The following MAML3 variants were observed in gnomAD, a reference collection of about 807,000 sequenced individuals.
MAML3 encodes the protein mastermind like transcriptional coactivator 3.
Under a neutral mutation model 101.9 loss-of-function variants are expected in MAML3, and 27 were observed. The ratio of observed to expected loss-of-function variants is 0.27; its 90% CI spans 0.20 to 0.37. The LOEUF (loss-of-function observed/expected upper bound fraction) is 0.37. MAML3 is among the 10% of genes least tolerant of loss of function. MAML3 has a pLI of 1.00. For missense variants in MAML3, 1,316 were observed against 1,444.9 expected (o/e 0.91, Z 1.45); for synonymous variants, 501 against 555.9 (o/e 0.90, Z 1.39).
intron 1 of MAML3, among the ~76,000 whole-genome samples, chr4:139,959,932 C>G (rs1366111350): frequency 6.6e-6 from 1 of 152,130 alleles, no homozygotes; most frequent in Non-Finnish European, 1.5e-5. Context: ...AAACTATTCA[C>G]TAGGATCATG....
chr4:139,902,273 A>G (rs28449307), intron 1 of MAML3, among the ~76,000 whole-genome samples: 2 of 99,154 alleles, frequency 2.0e-5, no homozygotes, highest in African/African-American at 3.3e-5. Context: ...GCACACACAC[A>G]CGCACACACA....
At chr4:139,830,576 T>G (rs564314026) in intron 2 of MAML3, among the ~76,000 whole-genome samples, 5,838 of 151,080 alleles carry the variant, frequency 0.039, 395 homozygotes, top group African/African-American at 0.14. Context: ...CACCACGCCA[T>G]GCTAATTTTT....
intron 1 of MAML3, among the ~76,000 whole-genome samples, chr4:139,932,252 T>TA (rs1733415219): frequency 6.6e-6 from 1 of 151,850 alleles, no homozygotes; most frequent in African/African-American, 2.4e-5. Flanking sequence ...TATCTTGATT[T>TA]TTTTTTTGAT....
At position 139,717,635 on chromosome 4, in the gene MAML3, A is replaced by C. The variant is rs1037329133; in HGVS notation, c.*1688T>G. ...CCTCTCCAAAAACACCTCTGCCCCCAGCTTTCCATGGCAACTCGCCTTCTC... is the reference window on the plus strand; with the variant it reads ...CCTCTCCAAAAACACCTCTGCCCCCCGCTTTCCATGGCAACTCGCCTTCTC... On this transcript the variant is annotated 3_prime_UTR_variant, in exon 5 of 5. Transcript: ENST00000509479. 6.6e-6 allele frequency: 1 copy of C among 152,662 alleles called. No homozygotes were observed. Among genetic ancestry groups the C allele is most frequent in the African/African-American group, 2.4e-5 (1 of 41,460 alleles). The allele number at this position is 152,662 out of a possible 1,614,324, so 9.5% of individuals were successfully genotyped here. A position where few individuals can be genotyped will look rare whatever the true frequency, so the allele number is the denominator to read the frequency against.
At chr4:139,884,175 C>CAT (rs1560823885) in intron 2 of MAML3, among the ~76,000 whole-genome samples, 5 of 152,066 alleles carry the variant, frequency 3.3e-5, no homozygotes, top group Non-Finnish European at 7.4e-5. Flanking sequence ...TGAGCCACGG[C>CAT]GCCTGGCTGC....
chr4:139,877,284 T>C (rs1732133239), intron 2 of MAML3, among the ~76,000 whole-genome samples: 1 of 141,672 alleles, frequency 7.1e-6, no homozygotes. Flanking sequence ...CTAGAGAATC[T>C]TGCCCAGGAA....
chr4:140,056,082 A>G (rs1727344368), intron 1 of MAML3, among the ~76,000 whole-genome samples: 1 of 152,220 alleles, frequency 6.6e-6, no homozygotes. Context: ...ACACTGACAG[A>G]GAAGAAAGGA....
chr4:139,803,047 G>A (rs1236852978), intron 2 of MAML3, among the ~76,000 whole-genome samples: 1 of 152,104 alleles, frequency 6.6e-6, no homozygotes, highest in Non-Finnish European at 1.5e-5. Context: ...ATCCAGATTT[G>A]TGGCTCTTCC....
rs1728614400 is a variant in MAML3 at position 140,122,047 on chromosome 4, T to G, written c.468+30813A>C. Among the ~76,000 whole-genome samples the G allele has an allele frequency of 2.0e-5, 3 of 152,170 alleles. No homozygotes were observed. The South Asian group carries it at 6.2e-4, about 31-fold the overall frequency. On this transcript the variant is annotated intron_variant, in intron 1 of 4. Coordinates refer to ENST00000509479, the MANE Select transcript of MAML3 (RefSeq NM_018717.5). ...CTTCTCCTTCCGCCATGATTGTAAG[T>G]TTCCTGAGGCCTCCCCAGCCATTTG...
Position 139,721,012 on chromosome 4 carries a change from C to A in MAML3, c.2417-689G>T, listed in dbSNP as rs563343564. Among the ~76,000 whole-genome samples the A allele has an allele frequency of 1.1e-4, 16 of 152,348 alleles. No homozygotes were observed. In the South Asian group the frequency reaches 1.9e-3, roughly 18 times the overall value. The stretch of plus-strand genomic sequence containing the variant: ...TAGATTTCAACATGCTCCAGATTCT[C>A]TGAATCATAACTTGTCATTGCAAAC... On this transcript the variant is annotated intron_variant, in intron 4 of 4. Transcript: ENST00000509479.
chr4:140,060,729 T>G (rs1727433155), intron 1 of MAML3, among the ~76,000 whole-genome samples: 3 of 152,350 alleles, frequency 2.0e-5, no homozygotes, highest in Non-Finnish European at 2.9e-5. Context: ...TAAATGATAT[T>G]CTGATGCCCT....
At chr4:139,763,405 G>A (rs1729794448) in intron 2 of MAML3, among the ~76,000 whole-genome samples, 1 of 152,146 alleles carries the variant, frequency 6.6e-6, no homozygotes, top group South Asian at 2.1e-4. Context: ...GGGGCCATCT[G>A]TTTAAGCAAC....
intron 2 of MAML3, among the ~76,000 whole-genome samples, chr4:139,875,298 T>C (rs1301958576): frequency 6.6e-6 from 1 of 152,092 alleles, no homozygotes. Context: ...ATGTCATACC[T>C]AGGCAGTTCT....
intron 2 of MAML3, among the ~76,000 whole-genome samples, chr4:139,853,532 A>G (rs1731598568): frequency 6.6e-6 from 1 of 152,104 alleles, no homozygotes; most frequent in African/African-American, 2.4e-5. Flanking sequence ...GCTGGGTGAT[A>G]AGAACACAAA....
chr4:140,063,794 TAAAAA>T (rs35213696), intron 1 of MAML3, among the ~76,000 whole-genome samples: 4 of 148,884 alleles, frequency 2.7e-5, no homozygotes, highest in Admixed American at 2.7e-4. Context: ...TTGCTTGCTT[TAAAAA>T]AAAAAAGTAA....
chr4:139,964,490 A>C (rs1421208991), intron 1 of MAML3, among the ~76,000 whole-genome samples: 1 of 152,192 alleles, frequency 6.6e-6, no homozygotes, highest in African/African-American at 2.4e-5. Context: ...TAAGTGCAGC[A>C]AACCACCACG....
Position 139,875,340 on chromosome 4 carries a change from G to A in MAML3, c.2079+14017C>T, listed in dbSNP as rs139021951. Reference sequence around the variant, plus strand: ...AGGAGAAGGTGGAAGTGGTGGGAGCGCTGCAAAAACGGAGAGAACTGTGAC... The same window carrying A: ...AGGAGAAGGTGGAAGTGGTGGGAGCACTGCAAAAACGGAGAGAACTGTGAC... On this transcript the variant is annotated intron_variant, in intron 2 of 4. Transcript: ENST00000509479. Among the ~76,000 whole-genome samples the A allele has an allele frequency of 3.6e-3, 541 of 152,198 alleles. 3 individuals carry two copies. Among genetic ancestry groups the A allele is most frequent in the African/African-American group, 0.012 (505 of 41,534 alleles).
intron 2 of MAML3, among the ~76,000 whole-genome samples, chr4:139,879,320 G>A (rs1480430829): frequency 6.6e-6 from 1 of 151,916 alleles, no homozygotes; most frequent in Non-Finnish European, 1.5e-5. Flanking sequence ...GAGGTCAGGA[G>A]TTCGAGACCA....
At chr4:140,085,618 C>G (rs931885149) in intron 1 of MAML3, among the ~76,000 whole-genome samples, 5 of 152,222 alleles carry the variant, frequency 3.3e-5, no homozygotes, top group African/African-American at 9.7e-5. Context: ...GTTTCCAGAG[C>G]TGCTTGGCCA....
Sources: gnomAD v4.1 joint callset for allele counts (sites outside exome capture counted in the v4.1 genomes callset) on GRCh38, gnomAD v4.1.1 for gene constraint, MANE v1.5 for transcripts, NCBI Gene and HGNC (gene_info 2026-07-23, HGNC 2026-07-21) for gene names.